The following RIPOR3 variants were observed in gnomAD, a reference collection of about 807,000 sequenced individuals.
The protein encoded by RIPOR3 is family with sequence similarity 65 member C.
In RIPOR3, 95 loss-of-function variants were observed where a neutral mutation model predicts 114.3. That is an observed-to-expected ratio of 0.83 (90% CI 0.70 to 0.99). The LOEUF (loss-of-function observed/expected upper bound fraction) is 0.99. RIPOR3 is among the 50% of genes least tolerant of loss of function. The pLI is 0.00. For synonymous variants in RIPOR3, 575 were observed against 543.8 expected (o/e 1.06, Z -0.80); for missense variants, 1,252 against 1,266.9 (o/e 0.99, Z 0.18).
intron 20 of RIPOR3, among the ~76,000 whole-genome samples, chr20:50,588,564 A>G (rs1235774493): frequency 1.3e-5 from 2 of 152,180 alleles, no homozygotes; most frequent in Non-Finnish European, 2.9e-5. Flanking sequence ...CTCCGGTCCT[A>G]GAATTGGGTC....
intron 1 of RIPOR3, among the ~76,000 whole-genome samples, chr20:50,650,845 C>A (rs1024908925): frequency 1.3e-5 from 2 of 152,202 alleles, no homozygotes; most frequent in African/African-American, 2.4e-5. Flanking sequence ...GGTTCCACCC[C>A]TTTGATTGTG....
intron 1 of RIPOR3, among the ~76,000 whole-genome samples, chr20:50,674,093 C>A (rs1285147762): frequency 6.6e-6 from 1 of 152,124 alleles, no homozygotes; most frequent in African/African-American, 2.4e-5. Context: ...GATTCCTTTT[C>A]CCCCGCTTTT....
chr20:50,613,005 A>T (rs1055660328), intron 4 of RIPOR3, among the ~76,000 whole-genome samples: 1 of 152,188 alleles, frequency 6.6e-6, no homozygotes, highest in Non-Finnish European at 1.5e-5. Flanking sequence ...AGGTAAGAGG[A>T]TTGCTTGAGC....
chr20:50,594,129 A>G (rs554263193), intron 17 of RIPOR3, among the ~76,000 whole-genome samples: 2 of 152,162 alleles, frequency 1.3e-5, no homozygotes, highest in South Asian at 4.2e-4. Flanking sequence ...AAAGAAAATT[A>G]GCCAAGCGTG....
intron 1 of RIPOR3, among the ~76,000 whole-genome samples, chr20:50,676,123 T>G (rs1470778675): frequency 6.6e-6 from 1 of 152,200 alleles, no homozygotes; most frequent in Non-Finnish European, 1.5e-5. Context: ...CTGAGTTCCT[T>G]CGCCTTTTGT....
At chr20:50,596,027 G>T in intron 15 of RIPOR3, 113 bp downstream of exon 15, 1 of 1,461,960 alleles carries the variant, frequency 6.8e-7, no homozygotes, top group Non-Finnish European at 9.3e-7. Context: ...CGGGCTTCCA[G>T]GATGCAGGTC....
At chr20:50,666,371 C>T (rs998060316) in intron 1 of RIPOR3, among the ~76,000 whole-genome samples, 2 of 147,134 alleles carry the variant, frequency 1.4e-5, no homozygotes, top group African/African-American at 5.0e-5. Flanking sequence ...ACTACAGGTG[C>T]CTGCCACTAC....
chr20:50,685,379 G>T (rs2086982066), intron 1 of RIPOR3, among the ~76,000 whole-genome samples: 1 of 151,628 alleles, frequency 6.6e-6, no homozygotes, highest in Non-Finnish European at 1.5e-5. Flanking sequence ...ACTGCGCCTG[G>T]CTAATTTTTG....
At chr20:50,649,628 A>C (rs2085531413) in intron 1 of RIPOR3, among the ~76,000 whole-genome samples, 1 of 148,254 alleles carries the variant, frequency 6.7e-6, no homozygotes. Context: ...CCTGCCCAGG[A>C]ACTATTCTGA....
At chr20:50,684,005 C>T (rs1185876821) in intron 1 of RIPOR3, among the ~76,000 whole-genome samples, 2 of 151,606 alleles carry the variant, frequency 1.3e-5, no homozygotes, top group African/African-American at 4.9e-5. Context: ...CACCTGAACC[C>T]GGGAGGCAGA....
intron 1 of RIPOR3, among the ~76,000 whole-genome samples, chr20:50,686,431 TC>T (rs1024104459): frequency 3.9e-5 from 6 of 151,958 alleles, no homozygotes; most frequent in African/African-American, 7.3e-5. Flanking sequence ...GGCGCGCCCT[TC>T]CTACCTCGCA....
At chr20:50,681,385 T>C (rs1255905191) in intron 1 of RIPOR3, among the ~76,000 whole-genome samples, 2 of 151,956 alleles carry the variant, frequency 1.3e-5, no homozygotes, top group Admixed American at 1.3e-4. Flanking sequence ...AGTGAGGTGG[T>C]AGGGGATCCA....
intron 11 of RIPOR3, among the ~76,000 whole-genome samples, chr20:50,607,980 C>T (rs763615656): frequency 4.6e-5 from 7 of 152,092 alleles, no homozygotes; most frequent in Non-Finnish European, 7.4e-5. Context: ...GGTCTGCAGC[C>T]GAGAGGGGGA....
chr20:50,589,235 G>A (rs898950276), intron 20 of RIPOR3, among the ~76,000 whole-genome samples: 5 of 151,414 alleles, frequency 3.3e-5, no homozygotes, highest in Non-Finnish European at 5.9e-5. Context: ...AAGCATACCA[G>A]AATGTCAACC....
intron 1 of RIPOR3, among the ~76,000 whole-genome samples, chr20:50,645,080 A>G (rs912821842): frequency 1.3e-5 from 2 of 152,048 alleles, no homozygotes; most frequent in Non-Finnish European, 2.9e-5. Flanking sequence ...GACCTCAGGC[A>G]ATCCGCCTGC....
At chr20:50,620,885 A>G (rs1006557724) in intron 2 of RIPOR3, 3 of 654,508 alleles carry the variant, frequency 4.6e-6, no homozygotes, top group Non-Finnish European at 8.7e-6. Context: ...TGTGCGGGAC[A>G]TGATCCGGGA....
chr20:50,592,381 A>C lies in RIPOR3; in HGVS notation c.2540T>G (p.Leu847Arg). The C allele has an allele frequency of 6.2e-7, 1 of 1,604,440 alleles. No homozygotes were observed. Among genetic ancestry groups the C allele is most frequent in the Non-Finnish European group, 8.5e-7 (1 of 1,173,272 alleles). ...GCTTCTGTTCCTGACTGCACCAGCC[A>C]GGCGAGCGCTGGCCGCCCTGCACAC... ...PRVCRAASARLAGAVRNRSFR... is the reference protein window; with the variant it reads ...PRVCRAASARRAGAVRNRSFR... The change falls in exon 19 of 22, where the codon CTG (leucine) becomes CGG (arginine). Residue 847 changes from leucine to arginine, a missense_variant. Leu to Arg is a moderately radical substitution (Grantham distance 102). Transcript: ENST00000327979.
Position 50,586,793 on chromosome 20 carries a change from G to A in RIPOR3, c.*439C>T. 6.0e-6 allele frequency: 1 copy of A among 165,748 alleles called. No homozygotes were observed. Among genetic ancestry groups the A allele is most frequent in the Non-Finnish European group, 1.3e-5 (1 of 75,250 alleles). The allele number at this position is 165,748 out of a possible 1,614,324, so 10.3% of individuals were successfully genotyped here. A position where few individuals can be genotyped will look rare whatever the true frequency, so the allele number is the denominator to read the frequency against. On this transcript the variant is annotated 3_prime_UTR_variant, in exon 22 of 22. Coordinates refer to ENST00000327979, the MANE Select transcript of RIPOR3 (RefSeq NM_001290268.2). Reference sequence around the variant, plus strand: ...AGGGCCAGCCACCTGCCAGCCTGCTGCATCCCCAGTGCCTCTTGACGCAGA... The same window carrying A: ...AGGGCCAGCCACCTGCCAGCCTGCTACATCCCCAGTGCCTCTTGACGCAGA...
intron 11 of RIPOR3, among the ~76,000 whole-genome samples, chr20:50,606,191 G>T (rs1033953632): frequency 6.6e-6 from 1 of 152,216 alleles, no homozygotes; most frequent in East Asian, 1.9e-4. Context: ...GGGCGACAGA[G>T]CGAGACTCTG....
Sources: allele counts gnomAD v4.1 joint callset (sites outside exome capture counted in the v4.1 genomes callset), GRCh38; gene constraint gnomAD v4.1.1; transcripts MANE v1.5; gene names NCBI Gene and HGNC (gene_info 2026-07-23, HGNC 2026-07-21).